Variants in NPAT observed in about 807,000 individuals in gnomAD.
NPAT encodes nuclear protein, coactivator of histone transcription, also known as protein NPAT.
In NPAT, 52 loss-of-function variants were observed where a neutral mutation model predicts 130.7. The ratio of observed to expected loss-of-function variants is 0.40; its 90% CI spans 0.32 to 0.50. The LOEUF (loss-of-function observed/expected upper bound fraction) is 0.50. Ranked by LOEUF, NPAT falls within the 20% of genes least tolerant of loss-of-function variation. The probability of loss-of-function intolerance (pLI) is 0.68; values close to 1 mark genes in which losing one functional copy is unlikely to be tolerated. For missense variants in NPAT, 1,687 were observed against 1,662.6 expected (o/e 1.01, Z -0.26); for synonymous variants, 580 against 584.8 (o/e 0.99, Z 0.12).
intron 1 of NPAT, 92 bp downstream of exon 1, chr11:108,222,408 G>GCTTC: frequency 7.3e-7 from 1 of 1,369,332 alleles, no homozygotes; most frequent in South Asian, 1.2e-5. Flanking sequence ...AAACCCCAAA[G>GCTTC]CTTCCCTACC....
chr11:108,218,253 G>C (rs1339883969), intron 1 of NPAT, among the ~76,000 whole-genome samples: 1 of 152,114 alleles, frequency 6.6e-6, no homozygotes, highest in African/African-American at 2.4e-5. Context: ...AGTGGAGGTG[G>C]TAATGAGTAA....
intron 1 of NPAT, among the ~76,000 whole-genome samples, chr11:108,210,600 C>G (rs1482082016): frequency 6.6e-6 from 1 of 152,194 alleles, no homozygotes; most frequent in Non-Finnish European, 1.5e-5. Context: ...GTTACCCACT[C>G]TCAGGTGTTT....
At chr11:108,205,544 C>T (rs1460600349) in intron 1 of NPAT, among the ~76,000 whole-genome samples, 2 of 152,194 alleles carry the variant, frequency 1.3e-5, no homozygotes, top group South Asian at 2.1e-4. Context: ...GCTGGGATTA[C>T]AGGAGTAAGC....
chr11:108,186,490 C>G lies in NPAT; in HGVS notation c.718G>C (p.Val240Leu). 1 of 1,613,752 alleles carries G rather than the reference C, an allele frequency of 6.2e-7. No individual in the cohort carries two copies. Among genetic ancestry groups the G allele is most frequent in the South Asian group, 1.1e-5 (1 of 91,068 alleles). ...TTGGCAGAGTCACTTACTTTTTCTA[C>G]TGCAAAAGCGTTTGGATCTTGGAAA... ...RNFQDPNAFA[V>L]EKQMVIENAR... The change falls in exon 8 of 18, where the codon GTA becomes CTA. Residue 240 changes from valine to leucine, a missense_variant. Physicochemically the swap from Val to Leu is conservative, Grantham distance 32. This residue lies in a region of NPAT where 307 missense variants were observed against 298.9 expected (regional missense o/e 1.03). Transcript: ENST00000278612.
chr11:108,211,373 T>C (rs909677701), intron 1 of NPAT, among the ~76,000 whole-genome samples: 1 of 151,374 alleles, frequency 6.6e-6, no homozygotes, highest in African/African-American at 2.4e-5. Context: ...AAAAATGCCA[T>C]CTCTACAAAA....
In NPAT at chr11:108,161,925, G is replaced by A. The variant is rs763977695; in HGVS notation, c.3161C>T (p.Pro1054Leu). 9 of 1,608,912 alleles carry A rather than the reference G, an allele frequency of 5.6e-6. No individual in the cohort carries two copies. The highest frequency in any genetic ancestry group is 1.7e-4 in the Middle Eastern group (1 of 6,018). ...ACGTCTGTGGCATGGTTTAGCAGCTGGAACTATACTCTCTTCTGGGAAGGG... is the reference window on the plus strand; with the variant it reads ...ACGTCTGTGGCATGGTTTAGCAGCTAGAACTATACTCTCTTCTGGGAAGGG... ...TVPFPEESIV[P>L]AAKPCHRRVL... The change falls in exon 17 of 18, where the codon CCA becomes CTA. Residue 1054 changes from proline (P) to leucine (L), a missense_variant. Physicochemically the swap from Pro to Leu is moderately conservative, Grantham distance 98. Around this residue, in one of 3 missense-constraint regions of NPAT, gnomAD observed 1,379 missense variants for 1,346.6 expected, o/e 1.02. Transcript: ENST00000278612.
At chr11:108,199,034 C>A (rs2078249936) in intron 1 of NPAT, among the ~76,000 whole-genome samples, 1 of 152,198 alleles carries the variant, frequency 6.6e-6, no homozygotes, top group Admixed American at 6.5e-5. Flanking sequence ...AGGACTGAAG[C>A]AGACTGAAGC....
chr11:108,217,950 A>G (rs1460001089), intron 1 of NPAT, among the ~76,000 whole-genome samples: 1 of 152,176 alleles, frequency 6.6e-6, no homozygotes, highest in Non-Finnish European at 1.5e-5. Context: ...CCAAGATCTC[A>G]CTGCTGCACC....
At chr11:108,192,375 A>G (rs1052205772) in intron 3 of NPAT, among the ~76,000 whole-genome samples, 185 bp from the exon 4 acceptor site, 2 of 152,242 alleles carry the variant, frequency 1.3e-5, no homozygotes, top group Non-Finnish European at 2.9e-5. Context: ...TTCTAAAGCC[A>G]CTGAGTATCA....
At chr11:108,168,511 T>A (rs2077921069) in intron 15 of NPAT, among the ~76,000 whole-genome samples, 1 of 152,176 alleles carries the variant, frequency 6.6e-6, no homozygotes, top group African/African-American at 2.4e-5. Flanking sequence ...AAAGGCTGAT[T>A]TGATAGCAGT....
Position 108,187,490 on chromosome 11 carries a change from T to C in NPAT, c.638+608A>G, listed in dbSNP as rs183443614. Among the ~76,000 whole-genome samples, 798 of 152,242 alleles carry C rather than the reference T, an allele frequency of 5.2e-3. 6 individuals are homozygous for C. Among genetic ancestry groups the C allele is most frequent in the Non-Finnish European group, 8.5e-3 (578 of 68,014 alleles). Reference sequence around the variant, plus strand: ...ATGGATATTGCTGTTTGTTATTTTATATGGTGAAGTGAGAAAGGCTCCAAT... The same window carrying C: ...ATGGATATTGCTGTTTGTTATTTTACATGGTGAAGTGAGAAAGGCTCCAAT... On this transcript the variant is annotated intron_variant, in intron 7 of 17. Coordinates refer to ENST00000278612, the MANE Select transcript of NPAT (RefSeq NM_002519.3).
intron 2 of NPAT, among the ~76,000 whole-genome samples, chr11:108,194,928 AT>A (rs1176446777): frequency 1.3e-5 from 2 of 151,522 alleles, no homozygotes; most frequent in African/African-American, 4.9e-5. Flanking sequence ...GGTTCAAGCG[AT>A]TCTCCTGTCT....
chr11:108,222,451 G>A, intron 1 of NPAT, 49 bp downstream of exon 1: 2 of 1,605,970 alleles, frequency 1.2e-6, no homozygotes, highest in South Asian at 2.2e-5. Context: ...AGGTCCTTCT[G>A]TCCAGCATAG....
chr11:108,193,747 AAAC>A (rs967957839), intron 3 of NPAT, among the ~76,000 whole-genome samples: 10 of 152,166 alleles, frequency 6.6e-5, no homozygotes, highest in Middle Eastern at 3.4e-3. Context: ...AAAAAACAAA[AAAC>A]AACAACCAAA....
rs557868509 is a variant in NPAT at position 108,192,078 on chromosome 11, G to C, written c.290+40C>G. Reference sequence around the variant, plus strand: ...GAAGATTTAAACCCAAAGTGTATTTGCATTCCAAAATCATTAGGCACATTC... The same window carrying C: ...GAAGATTTAAACCCAAAGTGTATTTCCATTCCAAAATCATTAGGCACATTC... On this transcript the variant is annotated intron_variant, in intron 4 of 17. Transcript: ENST00000278612. 22 of 1,310,182 alleles carry C rather than the reference G, an allele frequency of 1.7e-5. No homozygotes were observed. In the South Asian group the frequency reaches 2.5e-4, roughly 15 times the overall value. 81.2% of individuals were successfully genotyped at this position (1,310,182 alleles called of 1,614,324 possible).
At chr11:108,181,207 T>G (rs2078054997) in intron 10 of NPAT, among the ~76,000 whole-genome samples, 2 of 152,246 alleles carry the variant, frequency 1.3e-5, no homozygotes, top group African/African-American at 2.4e-5. Flanking sequence ...CTCACACCTG[T>G]AATCCCAGCA....
Position 108,169,978 on chromosome 11 carries a change from C to A in NPAT, c.2851G>T (p.Val951Leu). Reference sequence around the variant, plus strand: ...TTTCCATTCTGTCCAACCACAGATACTGGGATCATCCCTACCATTCCTTGG... The same window carrying A: ...TTTCCATTCTGTCCAACCACAGATAATGGGATCATCCCTACCATTCCTTGG... ...VLQGMVGMIP[V>L]SVVGQNGNNF... is the part of the protein sequence containing the mutation. Residue 951 changes from valine (V) to leucine (L), a missense_variant, in exon 14 of 18, where the codon GTA (valine) becomes TTA (leucine). Physicochemically the swap from Val to Leu is conservative, Grantham distance 32 (BLOSUM62 1). This residue lies in a region of NPAT where 1,379 missense variants were observed against 1,346.6 expected (regional missense o/e 1.02). Transcript: ENST00000278612. 1 of 1,614,022 alleles carries A rather than the reference C, an allele frequency of 6.2e-7. No individual in the cohort carries two copies. The highest frequency in any genetic ancestry group is 8.5e-7 in the Non-Finnish European group (1 of 1,179,920).
At chr11:108,217,072 T>C (rs2078441888) in intron 1 of NPAT, among the ~76,000 whole-genome samples, 1 of 152,214 alleles carries the variant, frequency 6.6e-6, no homozygotes, top group South Asian at 2.1e-4. Context: ...ATTTTCCCCA[T>C]GCCTGCATGG....
At chr11:108,194,235 T>C (rs576139117) in intron 2 of NPAT, among the ~76,000 whole-genome samples, 24 of 152,330 alleles carry the variant, frequency 1.6e-4, no homozygotes, top group African/African-American at 5.8e-4. Flanking sequence ...TAGGACATTA[T>C]AGCTACTTGG....
Sources: allele counts gnomAD v4.1 joint callset (sites outside exome capture counted in the v4.1 genomes callset), GRCh38; gene constraint gnomAD v4.1.1; regional missense constraint gnomAD v4.1.1; transcripts MANE v1.5; gene names NCBI Gene and HGNC (gene_info 2026-07-23, HGNC 2026-07-21).